Variants in PLXDC2 observed in about 807,000 individuals in gnomAD.
PLXDC2 encodes the protein plexin domain containing 2.
In PLXDC2, 40 loss-of-function variants were observed where a neutral mutation model predicts 68.9. That is an observed-to-expected ratio of 0.58 (90% confidence interval 0.45 to 0.76). PLXDC2 has a LOEUF of 0.76. PLXDC2 is among the 30% of genes least tolerant of loss of function. PLXDC2 has a pLI of 0.00. For synonymous variants in PLXDC2, 243 were observed against 234.2 expected, an observed-to-expected ratio of 1.04 and a Z score of -0.34; for missense variants, 644 against 661.9, an observed-to-expected ratio of 0.97 and a Z score of 0.30.
chr10:20,218,791 C>A (rs1835173404), intron 11 of PLXDC2, among the ~76,000 whole-genome samples: 1 of 152,084 alleles, frequency 6.6e-6, no homozygotes, highest in Non-Finnish European at 1.5e-5. Flanking sequence ...TGTATTTTAA[C>A]TTTTAATTAT....
Position 20,122,556 on chromosome 10 carries a change from C to T in PLXDC2, c.542-20739C>T, listed in dbSNP as rs188583431. Among the ~76,000 whole-genome samples the T allele has an allele frequency of 3.6e-3, 543 of 152,292 alleles. 3 individuals are homozygous for T. Among genetic ancestry groups the T allele is most frequent in the African/African-American group, 0.011 (474 of 41,558 alleles). On this transcript the variant is annotated intron_variant, in intron 4 of 13. Transcript: ENST00000377252. ...AGTGGAGTCCCGCACAGATGGGACG[C>T]GGCTTAGGAGGAATCCTGGGCTGCA...
intron 1 of PLXDC2, among the ~76,000 whole-genome samples, chr10:19,995,683 G>A (rs923775783): frequency 6.6e-6 from 1 of 152,188 alleles, no homozygotes; most frequent in Non-Finnish European, 1.5e-5. Context: ...GCAGTCTCAT[G>A]CCTTCTGTGT....
chr10:19,997,924 T>C (rs1428027098), intron 1 of PLXDC2, among the ~76,000 whole-genome samples: 1 of 152,220 alleles, frequency 6.6e-6, no homozygotes, highest in Non-Finnish European at 1.5e-5. Flanking sequence ...TTTACAGAAA[T>C]GTGTTTTCAA....
chr10:20,215,523 A>G (rs1835124949), intron 10 of PLXDC2, among the ~76,000 whole-genome samples: 2 of 151,972 alleles, frequency 1.3e-5, no homozygotes, highest in Admixed American at 1.3e-4. Context: ...TGGGTTTGCA[A>G]AATAAGATTA....
intron 4 of PLXDC2, among the ~76,000 whole-genome samples, chr10:20,110,124 G>C (rs1279896255): frequency 1.3e-5 from 2 of 152,202 alleles, no homozygotes; most frequent in East Asian, 1.9e-4. Flanking sequence ...TGGCAGGGAT[G>C]GAGACTGCTC....
chr10:20,244,851 C>G (rs563185345), intron 12 of PLXDC2, among the ~76,000 whole-genome samples: 103 of 152,288 alleles, frequency 6.8e-4, no homozygotes, highest in African/African-American at 2.4e-3. Flanking sequence ...TGCGGTGGCT[C>G]ACGCCTGTAA....
chr10:20,232,961 T>C (rs994165981), intron 12 of PLXDC2, among the ~76,000 whole-genome samples: 2 of 152,196 alleles, frequency 1.3e-5, no homozygotes, highest in Non-Finnish European at 1.5e-5. Context: ...AGTTTTTTTT[T>C]AAATTCCTGT....
intron 12 of PLXDC2, among the ~76,000 whole-genome samples, chr10:20,231,954 T>A (rs1373801318): frequency 6.6e-6 from 1 of 152,008 alleles, no homozygotes; most frequent in Non-Finnish European, 1.5e-5. Flanking sequence ...GGAGACTGAC[T>A]TGATCACCTC....
At chr10:19,959,750 G>A (rs1834126191) in intron 1 of PLXDC2, among the ~76,000 whole-genome samples, 1 of 152,038 alleles carries the variant, frequency 6.6e-6, no homozygotes, top group Non-Finnish European at 1.5e-5. Flanking sequence ...AAAACATCCA[G>A]GAACCCAAAT....
At chr10:20,183,463 A>G (rs1376104190) in intron 9 of PLXDC2, among the ~76,000 whole-genome samples, 3 of 151,970 alleles carry the variant, frequency 2.0e-5, no homozygotes, top group Admixed American at 2.0e-4. Flanking sequence ...GTGAGAAACA[A>G]CAATATTTGT....
At chr10:20,221,255 T>C (rs576260543) in intron 12 of PLXDC2, among the ~76,000 whole-genome samples, 9 of 152,234 alleles carry the variant, frequency 5.9e-5, no homozygotes, top group African/African-American at 2.2e-4. Flanking sequence ...TTAGTTTTGT[T>C]TGAGCCATCA....
intron 4 of PLXDC2, among the ~76,000 whole-genome samples, chr10:20,086,935 G>A (rs1028576610): frequency 6.6e-6 from 1 of 152,082 alleles, no homozygotes; most frequent in Non-Finnish European, 1.5e-5. Context: ...AGAGCCTGTT[G>A]GATCCTAAAT....
At chr10:19,854,540 A>G (rs551497220) in intron 1 of PLXDC2, among the ~76,000 whole-genome samples, 3 of 152,304 alleles carry the variant, frequency 2.0e-5, no homozygotes, top group South Asian at 4.1e-4. Context: ...CCCTACAACA[A>G]TTATCCAACC....
chr10:20,008,731 A>G (rs750538036), intron 2 of PLXDC2, among the ~76,000 whole-genome samples: 2 of 152,018 alleles, frequency 1.3e-5, no homozygotes, highest in African/African-American at 4.8e-5. Flanking sequence ...CATAATTCCC[A>G]TGTGTTGTGG....
At chr10:19,965,027 A>G (rs1229591981) in intron 1 of PLXDC2, among the ~76,000 whole-genome samples, 3 of 152,210 alleles carry the variant, frequency 2.0e-5, no homozygotes, top group African/African-American at 4.8e-5. Flanking sequence ...TATTTAATTT[A>G]TGACATTTTG....
intron 4 of PLXDC2, among the ~76,000 whole-genome samples, chr10:20,107,075 T>TAGTATATATATACACTATATATATAC (rs1833501280): frequency 2.0e-5 from 3 of 148,376 alleles, no homozygotes; most frequent in Admixed American, 6.8e-5. Flanking sequence ...GCTATATATA[T>TAGTATATATATACACTATATATATAC]AGTATATATA....
At chr10:20,005,883 C>G (rs1430257317) in intron 2 of PLXDC2, among the ~76,000 whole-genome samples, 3 of 152,080 alleles carry the variant, frequency 2.0e-5, no homozygotes, top group Non-Finnish European at 4.4e-5. Flanking sequence ...TTTTACGTAT[C>G]CTGGCTCTTG....
intron 13 of PLXDC2, among the ~76,000 whole-genome samples, chr10:20,270,695 C>T (rs1835926903): frequency 6.6e-6 from 1 of 152,044 alleles, no homozygotes; most frequent in Non-Finnish European, 1.5e-5. Context: ...CAGGCACCTG[C>T]CACCACACCC....
At chr10:20,215,503 A>T (rs1383034854) in intron 10 of PLXDC2, among the ~76,000 whole-genome samples, 1 of 151,898 alleles carries the variant, frequency 6.6e-6, no homozygotes, top group African/African-American at 2.4e-5. Context: ...TCCCTTTGCA[A>T]ACTGGAATTT....
Sources: allele counts gnomAD v4.1 joint callset (sites outside exome capture counted in the v4.1 genomes callset), GRCh38; gene constraint gnomAD v4.1.1; transcripts MANE v1.5; gene names NCBI Gene and HGNC (gene_info 2026-07-23, HGNC 2026-07-21).